NFKB1: variants seen among roughly 807,000 people sequenced by gnomAD.
NFKB1 encodes the protein nuclear factor kappa B subunit 1.
A neutral mutation model predicts 105.1 loss-of-function variants in NFKB1; 9 were observed. That is an observed-to-expected ratio of 0.09 (90% CI 0.05 to 0.15). The LOEUF is 0.15. Ranked by LOEUF, NFKB1 falls within the 10% of genes least tolerant of loss-of-function variation. NFKB1 has a pLI of 1.00. For missense variants in NFKB1, 830 were observed against 1,203.7 expected (o/e 0.69, Z 4.59); for synonymous variants, 440 against 442.2 (o/e 1.00, Z 0.06).
chr4:102,503,885 G>A (rs181577041), intron 1 of NFKB1, among the ~76,000 whole-genome samples: 1 of 152,266 alleles, frequency 6.6e-6, no homozygotes, highest in Admixed American at 6.5e-5. Flanking sequence ...TTTTAGACTT[G>A]CAGATAATTG....
intron 16 of NFKB1, 30 bp downstream of exon 16, chr4:102,601,039 A>G: frequency 1.5e-6 from 2 of 1,329,714 alleles, no homozygotes. Flanking sequence ...AAACAACTGA[A>G]GAAAAATCTG....
At chr4:102,596,023 C>G in intron 13 of NFKB1, 115 bp from the exon 14 acceptor site, 3 of 584,400 alleles carry the variant, frequency 5.1e-6, no homozygotes, top group Non-Finnish European at 8.5e-6. Context: ...TATTATTTTT[C>G]TTTTCCTTTT....
chr4:102,568,138 C>T (rs1051089784), intron 6 of NFKB1, among the ~76,000 whole-genome samples: 3 of 152,040 alleles, frequency 2.0e-5, no homozygotes, highest in African/African-American at 7.2e-5. Flanking sequence ...CTTTGAATTC[C>T]GATCAAGTTT....
At chr4:102,603,452 G>A (rs1727392064) in intron 16 of NFKB1, among the ~76,000 whole-genome samples, 1 of 151,988 alleles carries the variant, frequency 6.6e-6, no homozygotes, top group Non-Finnish European at 1.5e-5. Flanking sequence ...CAGTGTGTTA[G>A]AGACAAAAAC....
intron 1 of NFKB1, among the ~76,000 whole-genome samples, chr4:102,513,659 C>G (rs1389658383): frequency 6.6e-6 from 1 of 152,092 alleles, no homozygotes; most frequent in African/African-American, 2.4e-5. Flanking sequence ...TCTATTGATT[C>G]TAAGAGGCAC....
In NFKB1 at chr4:102,566,972, G is replaced by T. The variant is rs544943371; in HGVS notation, c.259-15G>T. 9.2e-5 allele frequency: 149 copies of T among 1,613,208 alleles called. 1 individual carries two copies. In the South Asian group the frequency reaches 1.6e-3, roughly 17 times the overall value. The stretch of plus-strand genomic sequence containing the variant: ...AGTCAGATATGCTAACTTTTGGAAT[G>T]TGCTTCTTATATAGATCTGCAACTA... On this transcript the variant is annotated splice_polypyrimidine_tract_variant and intron_variant, in intron 5 of 23. Transcript: ENST00000226574.
intron 1 of NFKB1, chr4:102,511,013 AG>A: frequency 1.7e-6 from 2 of 1,166,500 alleles, no homozygotes; most frequent in Non-Finnish European, 2.3e-6. Context: ...GGAGATGAGG[AG>A]GGGTGGAGTA....
At chr4:102,583,239 G>A (rs1274309828) in intron 10 of NFKB1, among the ~76,000 whole-genome samples, 1 of 151,958 alleles carries the variant, frequency 6.6e-6, no homozygotes, top group East Asian at 1.9e-4. Context: ...TCCCACATTG[G>A]CCTCCCAAAA....
At chr4:102,515,668 G>T (rs1488121153) in intron 1 of NFKB1, among the ~76,000 whole-genome samples, 2 of 152,044 alleles carry the variant, frequency 1.3e-5, no homozygotes, top group Non-Finnish European at 2.9e-5. Context: ...ACTTGACAAT[G>T]TTATACTTCT....
chr4:102,550,774 T>C (rs1722512397), intron 5 of NFKB1, among the ~76,000 whole-genome samples: 1 of 152,218 alleles, frequency 6.6e-6, no homozygotes, highest in Admixed American at 6.5e-5. Context: ...CAAAAGTTAC[T>C]TGGATTAGAT....
At chr4:102,608,562 T>A (rs1490693926) in intron 19 of NFKB1, among the ~76,000 whole-genome samples, 1 of 152,196 alleles carries the variant, frequency 6.6e-6, no homozygotes, top group African/African-American at 2.4e-5. Context: ...TGCTGATCTT[T>A]GAATCTCCAG....
At chr4:102,535,604 T>G (rs757345106) in intron 4 of NFKB1, among the ~76,000 whole-genome samples, 1 of 152,176 alleles carries the variant, frequency 6.6e-6, no homozygotes, top group Non-Finnish European at 1.5e-5. Flanking sequence ...TGAGTGAATG[T>G]GGATTAAAGG....
At chr4:102,588,316 A>G (rs1473822413) in intron 11 of NFKB1, among the ~76,000 whole-genome samples, 2 of 152,158 alleles carry the variant, frequency 1.3e-5, no homozygotes, top group African/African-American at 2.4e-5. Flanking sequence ...TGCATCCTCT[A>G]TGGTCATCAA....
At chr4:102,573,659 A>C (rs994141329) in intron 6 of NFKB1, among the ~76,000 whole-genome samples, 13 of 152,166 alleles carry the variant, frequency 8.5e-5, no homozygotes, top group Middle Eastern at 6.8e-3. Context: ...CTTCTTCTGG[A>C]ACCCCAGTTG....
chr4:102,579,129 G>C (rs932963939), intron 8 of NFKB1, 90 bp downstream of exon 8: 1 of 1,359,244 alleles, frequency 7.4e-7, no homozygotes, highest in Non-Finnish European at 1.0e-6. Flanking sequence ...CCTGGGGAAG[G>C]TAACTTAATC....
chr4:102,574,954 G>A (rs1431036269), intron 6 of NFKB1, among the ~76,000 whole-genome samples: 6 of 152,298 alleles, frequency 3.9e-5, no homozygotes, highest in East Asian at 1.9e-4. Context: ...CTACACAGAT[G>A]TTTATCATTG....
chr4:102,570,104 A>ACT (rs942211659), intron 6 of NFKB1, among the ~76,000 whole-genome samples: 1 of 151,942 alleles, frequency 6.6e-6, no homozygotes, highest in South Asian at 2.1e-4. Flanking sequence ...TAATCACCAC[A>ACT]CTCTCTCTGC....
rs1325090057 is a variant in NFKB1, at chr4:102,561,271, T to G, written c.259-5716T>G. Among the ~76,000 whole-genome samples the G allele has an allele frequency of 2.7e-4, 29 of 108,398 alleles. 1 individual carries two copies. The highest frequency in any genetic ancestry group is 1.1e-3 in the African/African-American group (28 of 24,442). 71.1% of individuals were successfully genotyped at this position (108,398 alleles called of 152,430 possible). On this transcript the variant is annotated intron_variant, in intron 5 of 23. Transcript: ENST00000226574. ...TATTCTCTTTCTTTCTTTCCTTTTT[T>G]TTTTTTTTTTTGTGTGTGTGTGTGT...
At chr4:102,576,353 TATTTTGA>T (rs1217119791) in intron 6 of NFKB1, among the ~76,000 whole-genome samples, 1 of 152,200 alleles carries the variant, frequency 6.6e-6, no homozygotes, top group Admixed American at 6.5e-5. Context: ...AAGTTGTTAG[TATTTTGA>T]ATTTTGAATT....
Sources: gnomAD v4.1 joint callset for allele counts (sites outside exome capture counted in the v4.1 genomes callset) on GRCh38, gnomAD v4.1.1 for gene constraint, MANE v1.5 for transcripts, NCBI Gene and HGNC (gene_info 2026-07-23, HGNC 2026-07-21) for gene names.